Variants in SLC39A11 observed in about 807,000 individuals in gnomAD.
The protein encoded by SLC39A11 is zinc transporter ZIP11.
SLC39A11 carries 33 observed loss-of-function variants against 36.1 expected under a neutral mutation model. The ratio of observed to expected loss-of-function variants is 0.91; its 90% CI spans 0.69 to 1.22. The LOEUF (loss-of-function observed/expected upper bound fraction) is 1.22, where lower values mean the gene tolerates loss of function less well. SLC39A11 is among the 50% of genes most tolerant of loss of function. The pLI, the probability that SLC39A11 is intolerant of heterozygous loss-of-function variation, is 0.00. For missense variants in SLC39A11, 432 were observed against 430.3 expected (o/e 1.00, Z -0.03); for synonymous variants, 166 against 170.3 (o/e 0.97, Z 0.20).
chr17:72,837,849 T>C (rs1179909873), intron 6 of SLC39A11: 10 of 888,612 alleles, frequency 1.1e-5, no homozygotes, highest in Non-Finnish European at 1.5e-5. Context: ...AGGGAAACTG[T>C]AGAGACAAAG....
chr17:72,883,430 A>G (rs1427219736), intron 5 of SLC39A11, among the ~76,000 whole-genome samples: 1 of 151,824 alleles, frequency 6.6e-6, no homozygotes, highest in African/African-American at 2.4e-5. Flanking sequence ...GAACCAGTTG[A>G]GGTACCTCCT....
At chr17:73,047,990 A>AAAAAAAATATATATAT (rs1555693446) in intron 3 of SLC39A11, among the ~76,000 whole-genome samples, 2 of 58,678 alleles carry the variant, frequency 3.4e-5, no homozygotes, top group Non-Finnish European at 6.0e-5. Flanking sequence ...AAAAAAAAAA[A>AAAAAAAATATATATAT]ATATATATAT....
Position 72,913,636 on chromosome 17 carries a change from G to A in SLC39A11, c.430+34116C>T, listed in dbSNP as rs555580500. On this transcript the variant is annotated intron_variant, in intron 5 of 9. Transcript: ENST00000255559. ...GGAAACAAATGAGAGCACAGCAAGT[G>A]TATGTTAGAGGTCTGAGGACTCGCC... Among the ~76,000 whole-genome samples the A allele has an allele frequency of 2.0e-5, 3 of 152,286 alleles. No homozygotes were observed. In the East Asian group the frequency reaches 5.8e-4, roughly 29 times the overall value.
Position 72,876,497 on chromosome 17 carries a change from T to C in SLC39A11, c.431-26693A>G, listed in dbSNP as rs545150053. ...GGTTTCTTTTGAATAAACACAGAAA[T>C]GGACCCTCCCAGCCTTAAAACTTGA... On this transcript the variant is annotated intron_variant, in intron 5 of 9. Transcript: ENST00000255559. 1.2e-4 allele frequency among the ~76,000 whole-genome samples: 19 copies of C among 152,316 alleles called. No homozygotes were observed. The South Asian group carries it at 2.7e-3, about 22-fold the overall frequency.
chr17:72,843,956 CA>C (rs905270056), intron 6 of SLC39A11, among the ~76,000 whole-genome samples: 2 of 150,614 alleles, frequency 1.3e-5, no homozygotes, highest in African/African-American at 4.9e-5. Context: ...CCTTCTACTC[CA>C]AAAAAAAATT....
intron 3 of SLC39A11, among the ~76,000 whole-genome samples, chr17:73,063,135 GA>G (rs1397879554): frequency 6.6e-6 from 1 of 152,184 alleles, no homozygotes; most frequent in African/African-American, 2.4e-5. Context: ...TAAAATGTTA[GA>G]AGCACAAGGT....
At chr17:72,947,684 C>G in intron 5 of SLC39A11, 68 bp downstream of exon 5, 4 of 1,608,564 alleles carry the variant, frequency 2.5e-6, no homozygotes, top group Non-Finnish European at 3.4e-6. Flanking sequence ...CCAGCCCCCA[C>G]GTCCATATTG....
Position 72,796,303 on chromosome 17 carries a change from C to G in SLC39A11, c.601+53331G>C, listed in dbSNP as rs539550611. 2.6e-5 allele frequency among the ~76,000 whole-genome samples: 4 copies of G among 152,286 alleles called. 1 individual carries two copies. In the East Asian group the frequency reaches 7.7e-4, roughly 29 times the overall value. On this transcript the variant is annotated intron_variant, in intron 6 of 9. Transcript: ENST00000255559. The stretch of plus-strand genomic sequence containing the variant: ...TCGTCCTCTTGGTAGCGACAGGCTT[C>G]AAATCCACACACTCCCATCAACAGC...
At chr17:72,805,132 C>T (rs2077209022) in intron 6 of SLC39A11, among the ~76,000 whole-genome samples, 2 of 152,110 alleles carry the variant, frequency 1.3e-5, no homozygotes, top group African/African-American at 4.8e-5. Context: ...TCTTATACCG[C>T]CCTCCTGTGT....
At chr17:72,960,530 G>A (rs763692816) in intron 4 of SLC39A11, among the ~76,000 whole-genome samples, 6 of 152,254 alleles carry the variant, frequency 3.9e-5, no homozygotes, top group Non-Finnish European at 7.4e-5. Context: ...GGTGGTTCAC[G>A]CCTGTAATCC....
chr17:72,689,566 G>A (rs1217807097), intron 7 of SLC39A11, among the ~76,000 whole-genome samples: 1 of 152,232 alleles, frequency 6.6e-6, no homozygotes, highest in African/African-American at 2.4e-5. Context: ...CCTATGGAGG[G>A]TCAACACAAC....
intron 6 of SLC39A11, among the ~76,000 whole-genome samples, chr17:72,848,277 T>C (rs2079140486): frequency 6.6e-6 from 1 of 152,242 alleles, no homozygotes; most frequent in African/African-American, 2.4e-5. Flanking sequence ...GCATCCCAAA[T>C]TGCTCAGGTT....
chr17:72,680,276 T>C (rs1270008323), intron 7 of SLC39A11, among the ~76,000 whole-genome samples: 1 of 152,116 alleles, frequency 6.6e-6, no homozygotes, highest in Non-Finnish European at 1.5e-5. Context: ...CTGGCAACTA[T>C]GACTCTGCTT....
chr17:72,799,813 TG>T (rs1316239829), intron 6 of SLC39A11, among the ~76,000 whole-genome samples: 2 of 143,314 alleles, frequency 1.4e-5, no homozygotes, highest in African/African-American at 2.6e-5. Context: ...GTTCTGTTTT[TG>T]CCCTTTGCCC....
chr17:72,818,637 C>T (rs1244018597), intron 6 of SLC39A11, among the ~76,000 whole-genome samples: 5 of 152,106 alleles, frequency 3.3e-5, no homozygotes, highest in Non-Finnish European at 1.5e-5. Flanking sequence ...ACTTAGGTCC[C>T]TGTGTCTACT....
chr17:72,878,828 C>A (rs983742219), intron 5 of SLC39A11, among the ~76,000 whole-genome samples: 1 of 152,160 alleles, frequency 6.6e-6, no homozygotes, highest in Non-Finnish European at 1.5e-5. Context: ...CATCAGATCC[C>A]ACAGGTGAAG....
intron 5 of SLC39A11, among the ~76,000 whole-genome samples, chr17:72,912,013 G>A (rs971250890): frequency 2.0e-5 from 3 of 152,140 alleles, no homozygotes; most frequent in Admixed American, 1.3e-4. Flanking sequence ...TCTGAGCAAC[G>A]TGATGGGATT....
At chr17:73,080,624 G>A (rs991597625) in intron 3 of SLC39A11, among the ~76,000 whole-genome samples, 9 of 152,096 alleles carry the variant, frequency 5.9e-5, no homozygotes, top group African/African-American at 1.2e-4. Context: ...CAAAAACAAC[G>A]ATAAACAGAT....
intron 4 of SLC39A11, among the ~76,000 whole-genome samples, chr17:73,025,551 G>C (rs901971490): frequency 2.0e-5 from 3 of 152,026 alleles, no homozygotes; most frequent in Admixed American, 6.6e-5. Flanking sequence ...ATGTTACGTA[G>C]GTATTAAAAT....
Sources: allele counts gnomAD v4.1 joint callset (sites outside exome capture counted in the v4.1 genomes callset), GRCh38; gene constraint gnomAD v4.1.1; transcripts MANE v1.5; gene names NCBI Gene and HGNC (gene_info 2026-07-23, HGNC 2026-07-21).